Variants in SVOPL observed in about 807,000 individuals in gnomAD.
SVOPL encodes the protein putative transporter SVOPL.
A neutral mutation model predicts 61.0 loss-of-function variants in SVOPL; 60 were observed. The ratio of observed to expected loss-of-function variants is 0.98; its 90% confidence interval spans 0.80 to 1.22. The LOEUF is 1.22. Ranked by LOEUF, SVOPL falls within the 50% of genes most tolerant of loss-of-function variation. The pLI is 0.00. For synonymous variants in SVOPL, 279 were observed against 250.0 expected (o/e 1.12, Z -1.09); for missense variants, 662 against 643.9 (o/e 1.03, Z -0.30).
intron 1 of SVOPL, among the ~76,000 whole-genome samples, chr7:138,687,452 T>G (rs1027170528): frequency 6.6e-6 from 1 of 151,634 alleles, no homozygotes; most frequent in Non-Finnish European, 1.5e-5. Context: ...GCCAGGCTGG[T>G]CTCAAACTCC....
At chr7:138,634,145 C>T (rs1039956336) in intron 9 of SVOPL, among the ~76,000 whole-genome samples, 2 of 152,186 alleles carry the variant, frequency 1.3e-5, no homozygotes, top group Non-Finnish European at 2.9e-5. Context: ...CCTGCCTTGG[C>T]GGTGATGCCA....
At chr7:138,677,899 A>C (rs1802608325) in intron 3 of SVOPL, among the ~76,000 whole-genome samples, 1 of 151,950 alleles carries the variant, frequency 6.6e-6, no homozygotes, top group Non-Finnish European at 1.5e-5. Flanking sequence ...AGTAGCTGGG[A>C]TTACAGGCAC....
At chr7:138,656,261 T>C (rs1026410243) in intron 7 of SVOPL, among the ~76,000 whole-genome samples, 187 bp downstream of exon 7, 3 of 152,238 alleles carry the variant, frequency 2.0e-5, no homozygotes, top group Admixed American at 1.3e-4. Flanking sequence ...TACTAGACTT[T>C]AGTATAGTGT....
At chr7:138,603,791 G>A (rs1798628706) in intron 14 of SVOPL, among the ~76,000 whole-genome samples, 1 of 152,096 alleles carries the variant, frequency 6.6e-6, no homozygotes, top group East Asian at 1.9e-4. Flanking sequence ...AATGAAAAGA[G>A]GAAAACTCTG....
intron 7 of SVOPL, 88 bp from the exon 8 acceptor site, chr7:138,649,225 T>C (rs1432490708): frequency 6.3e-5 from 91 of 1,446,320 alleles, no homozygotes; most frequent in Non-Finnish European, 8.2e-5. Context: ...TTTAGAAAGA[T>C]TAAAATTCCT....
chr7:138,602,927 A>G (rs1320114383), intron 14 of SVOPL, among the ~76,000 whole-genome samples: 1 of 152,182 alleles, frequency 6.6e-6, no homozygotes, highest in Non-Finnish European at 1.5e-5. Flanking sequence ...CTGCCTCTGC[A>G]GGTCACCATA....
At chr7:138,601,904 G>A (rs1798541246) in intron 14 of SVOPL, among the ~76,000 whole-genome samples, 1 of 152,022 alleles carries the variant, frequency 6.6e-6, no homozygotes. Context: ...TGTTTTCATA[G>A]CATTAATCAT....
intron 9 of SVOPL, among the ~76,000 whole-genome samples, chr7:138,643,937 G>A (rs186727644): frequency 8.6e-4 from 130 of 151,784 alleles, no homozygotes; most frequent in Middle Eastern, 3.4e-3. Flanking sequence ...CCACAATTTA[G>A]ACACGCCTAT....
chr7:138,623,759 T>C (rs1485257004), intron 13 of SVOPL, among the ~76,000 whole-genome samples: 1 of 152,162 alleles, frequency 6.6e-6, no homozygotes, highest in East Asian at 1.9e-4. Context: ...TAACTTTAGA[T>C]TTGTTTTTGT....
chr7:138,653,244 G>C (rs998177905), intron 7 of SVOPL, among the ~76,000 whole-genome samples: 2 of 152,206 alleles, frequency 1.3e-5, no homozygotes, highest in African/African-American at 2.4e-5. Context: ...AGAAGCTGCA[G>C]CAGGTCATCC....
chr7:138,599,167 A>AAAAAGC (rs58372563), intron 14 of SVOPL, among the ~76,000 whole-genome samples: 6 of 121,806 alleles, frequency 4.9e-5, no homozygotes, highest in Non-Finnish European at 9.9e-5. Context: ...ACCAAAAAAA[A>AAAAAGC]AAGAAATACA....
intron 14 of SVOPL, among the ~76,000 whole-genome samples, chr7:138,603,645 C>T (rs1325627760): frequency 1.3e-5 from 2 of 152,144 alleles, no homozygotes; most frequent in African/African-American, 2.4e-5. Flanking sequence ...GCACTTCAGC[C>T]TGGGCGACAG....
chr7:138,670,756 G>C (rs995272962), intron 4 of SVOPL, among the ~76,000 whole-genome samples: 1 of 151,850 alleles, frequency 6.6e-6, no homozygotes, highest in Non-Finnish European at 1.5e-5. Context: ...GGCTCTATTG[G>C]GGCACTAGGA....
At chr7:138,622,719 C>T (rs1282746307) in intron 13 of SVOPL, among the ~76,000 whole-genome samples, 1 of 152,204 alleles carries the variant, frequency 6.6e-6, no homozygotes, top group Non-Finnish European at 1.5e-5. Flanking sequence ...GCCTCAGCCT[C>T]CCAAAGTGCT....
intron 14 of SVOPL, among the ~76,000 whole-genome samples, chr7:138,618,995 C>T (rs1799429389): frequency 6.6e-6 from 1 of 152,176 alleles, no homozygotes; most frequent in Non-Finnish European, 1.5e-5. Context: ...AGCATAGCCT[C>T]TGGGATAAAT....
intron 9 of SVOPL, among the ~76,000 whole-genome samples, chr7:138,637,469 GAT>G (rs1296804145): frequency 2.0e-4 from 6 of 29,410 alleles, no homozygotes; most frequent in African/African-American, 3.2e-4. Context: ...TATATATATA[GAT>G]ATAGATATAG....
At chr7:138,693,194 A>G (rs1166259688) in intron 1 of SVOPL, among the ~76,000 whole-genome samples, 1 of 152,090 alleles carries the variant, frequency 6.6e-6, no homozygotes, top group Non-Finnish European at 1.5e-5. Context: ...CACTCAGAAA[A>G]CTAAAAACAC....
rs1372068523 is a variant in SVOPL, at chr7:138,678,970, C to A, written c.76G>T (p.Val26Phe). 1 of 1,551,440 alleles carries A rather than the reference C, an allele frequency of 6.4e-7. No individual in the cohort carries two copies. Among genetic ancestry groups the A allele is most frequent in the Non-Finnish European group, 8.7e-7 (1 of 1,146,926 alleles). Residue 26 changes from valine (V) to phenylalanine (F), a missense_variant, in exon 2 of 16, where the codon GTT (valine) becomes TTT (phenylalanine). Transcript: ENST00000674285. Reference sequence around the variant, plus strand: ...ACTTCTATGATAATCTCACCTTTAACCTGTGGCTCTGCGGTCCCCAGGCTC... The same window carrying A: ...ACTTCTATGATAATCTCACCTTTAAACTGTGGCTCTGCGGTCCCCAGGCTC... ...KLSLGTAEPQ[V>F]KEPKTFTVED...
chr7:138,652,712 C>T (rs1035892111), intron 7 of SVOPL, among the ~76,000 whole-genome samples: 2 of 152,168 alleles, frequency 1.3e-5, no homozygotes. Context: ...GCAACCTCCG[C>T]CTCCCAGGTT....
Sources: gnomAD v4.1 joint callset for allele counts (sites outside exome capture counted in the v4.1 genomes callset) on GRCh38, gnomAD v4.1.1 for gene constraint, MANE v1.5 for transcripts, NCBI Gene and HGNC (gene_info 2026-07-23, HGNC 2026-07-21) for gene names.